Variants in KIF1A observed in about 807,000 individuals in gnomAD.
The protein encoded by KIF1A is kinesin-like protein KIF1A.
Under a neutral mutation model 227.3 loss-of-function variants are expected in KIF1A, and 46 were observed. That is an observed-to-expected ratio of 0.20 (90% CI 0.16 to 0.26). KIF1A has a LOEUF of 0.26. KIF1A is among the 10% of genes least tolerant of loss of function. The pLI, the probability that KIF1A is intolerant of heterozygous loss-of-function variation, is 1.00. For missense variants in KIF1A, 1,683 were observed against 2,485.9 expected (o/e 0.68, Z 6.87); for synonymous variants, 1,022 against 1,012.8 (o/e 1.01, Z -0.17).
At chr2:240,796,893 C>T (rs2056459103) in intron 2 of KIF1A, among the ~76,000 whole-genome samples, 1 of 152,244 alleles carries the variant, frequency 6.6e-6, no homozygotes, top group African/African-American at 2.4e-5. Context: ...AGTGCCCTCC[C>T]CTCGGGACGC....
At chr2:240,761,045 C>T (rs972544857) in intron 24 of KIF1A, among the ~76,000 whole-genome samples, 184 bp downstream of exon 24, 7 of 152,338 alleles carry the variant, frequency 4.6e-5, no homozygotes, top group Admixed American at 4.6e-4. Context: ...CAGCCAAGTC[C>T]CACCTGGCCA....
chr2:240,763,709 C>T (rs950328634), intron 20 of KIF1A, among the ~76,000 whole-genome samples: 3 of 152,210 alleles, frequency 2.0e-5, no homozygotes, highest in Non-Finnish European at 4.4e-5. Context: ...AGTCTGGGGC[C>T]GGTGCCCCCA....
rs531993959 is a variant in KIF1A at position 240,785,052 on chromosome 2, G to A, written c.657C>T (p.Ala219=). 41 of 1,613,526 alleles carry A rather than the reference G, an allele frequency of 2.5e-5. No homozygotes were observed. The highest frequency in any genetic ancestry group is 5.0e-5 in the Admixed American group (3 of 60,016). ...NMNETSSRSH[A]VFNIIFTQKR... is the part of the protein sequence containing the mutation. The stretch of plus-strand genomic sequence containing the variant: ...TCTGGGTGAAGATGATGTTGAAGAC[G>A]GCGTGGGAGCGACTGCTGGTCTCAT... Residue 219 remains alanine (A), a synonymous_variant, in exon 7 of 49, where the codon GCC becomes GCT. Transcript: ENST00000498729.
chr2:240,790,541 G>A lies in KIF1A; in HGVS notation c.107-1229C>T, dbSNP rs973043108. 6.6e-6 allele frequency among the ~76,000 whole-genome samples: 1 copy of A among 152,006 alleles called. No homozygotes were observed. Among genetic ancestry groups the A allele is most frequent in the Non-Finnish European group, 1.5e-5 (1 of 68,002 alleles). ...GGAGAACAAAATGCCCCAGTTACGA[G>A]TTAAACTGTGTCCCCCTAATTTCAT... On this transcript the variant is annotated intron_variant, in intron 2 of 48. Coordinates refer to ENST00000498729, the MANE Select transcript of KIF1A (RefSeq NM_001244008.2). The surrounding 1 kb of genome is among the most constrained non-coding windows in gnomAD (Gnocchi z 5.0).
intron 38 of KIF1A, among the ~76,000 whole-genome samples, chr2:240,735,431 G>A (rs1230951983): frequency 6.6e-6 from 1 of 151,498 alleles, no homozygotes; most frequent in Non-Finnish European, 1.5e-5. Flanking sequence ...GGTCTTCTGA[G>A]GAAGACCTCA....
At chr2:240,784,895 G>T in intron 7 of KIF1A, 94 bp downstream of exon 7, 1 of 1,007,158 alleles carries the variant, frequency 9.9e-7, no homozygotes. Flanking sequence ...CATTGGGCCT[G>T]TCCTTGTGCT....
chr2:240,729,241 A>G (rs1198078922), intron 38 of KIF1A, among the ~76,000 whole-genome samples: 1 of 143,076 alleles, frequency 7.0e-6, no homozygotes, highest in African/African-American at 3.0e-5. Context: ...CCTGTGCTGG[A>G]CCCTCTGTCT....
chr2:240,772,367 G>C lies in KIF1A; in HGVS notation c.1207+203C>G, dbSNP rs3772060. Among the ~76,000 whole-genome samples the C allele has an allele frequency of 0.15, 22,972 of 152,212 alleles. 2,142 individuals carry two copies. The highest frequency in any genetic ancestry group is 0.24 in the Middle Eastern group (70 of 294). On this transcript the variant is annotated intron_variant, in intron 14 of 48. Coordinates refer to ENST00000498729, the MANE Select transcript of KIF1A (RefSeq NM_001244008.2). ...ATATGGGTGGGAAGGAGCCAGGAGT[G>C]TGGGCTCAGAGGCAGACAGAATCCC...
Position 240,761,090 on chromosome 2 carries a change from G to C in KIF1A, c.2265+139C>G, listed in dbSNP as rs191065980. 144 of 1,088,624 alleles carry C rather than the reference G, an allele frequency of 1.3e-4. 2 individuals carry two copies. In the East Asian group the frequency reaches 3.0e-3, roughly 23 times the overall value. 67.4% of individuals were successfully genotyped at this position (1,088,624 alleles called of 1,614,324 possible). A position where few individuals can be genotyped will look rare whatever the true frequency, so the allele number is the denominator to read the frequency against. Reference sequence around the variant, plus strand: ...TCCCTCACTGCCCACCCTTCTGGGGGGCCAGGTCAGGCAGGGCTGCTATGC... The same window carrying C: ...TCCCTCACTGCCCACCCTTCTGGGGCGCCAGGTCAGGCAGGGCTGCTATGC... On this transcript the variant is annotated intron_variant, in intron 24 of 48. Transcript: ENST00000498729.
intron 38 of KIF1A, among the ~76,000 whole-genome samples, chr2:240,729,501 C>T (rs1355766392): frequency 6.6e-6 from 1 of 152,208 alleles, no homozygotes; most frequent in Non-Finnish European, 1.5e-5. Flanking sequence ...GCTCCTTGGC[C>T]CCTGAGTGGG....
intron 10 of KIF1A, among the ~76,000 whole-genome samples, chr2:240,779,590 T>C (rs895319563): frequency 1.2e-4 from 18 of 150,648 alleles, no homozygotes; most frequent in African/African-American, 3.9e-4. Context: ...CCTCACTCAG[T>C]TCCACACTCA....
intron 28 of KIF1A, chr2:240,748,711 C>T (rs1259626202): frequency 3.4e-6 from 1 of 297,072 alleles, no homozygotes; most frequent in Admixed American, 4.9e-5. Context: ...CACCCTCACT[C>T]CCCAGCTGGG....
At chr2:240,750,358 C>T in intron 28 of KIF1A, 71 bp downstream of exon 28, 1 of 1,162,094 alleles carries the variant, frequency 8.6e-7, no homozygotes, top group South Asian at 1.3e-5. Flanking sequence ...TGGGCCCACG[C>T]CTCTGCCTGC....
At chr2:240,782,472 T>C (rs2054186814) in intron 10 of KIF1A, 118 bp downstream of exon 10, 2 of 1,116,046 alleles carry the variant, frequency 1.8e-6, no homozygotes, top group Non-Finnish European at 2.6e-6. Context: ...CACCCCCACG[T>C]CCCCCATCTC....
rs762437058 is a variant in KIF1A, at chr2:240,760,737, C to A, written c.2372G>T (p.Arg791Leu). 1.1e-5 allele frequency: 17 copies of A among 1,595,944 alleles called. No individual in the cohort carries two copies. The South Asian group carries it at 1.7e-4, about 16-fold the overall frequency. The change falls in exon 25 of 49, where the codon CGC becomes CTC. Residue 791 changes from arginine (R) to leucine (L), a missense_variant. Arg to Leu is a moderately radical substitution (Grantham distance 102, BLOSUM62 -2). This residue lies in a region of KIF1A where 759 missense variants were observed against 1,020.2 expected (regional missense o/e 0.74). Transcript: ENST00000498729. ...CTGGACCTCCACGGCCACAATGGTG[C>A]GGGGGAAGGGCCGCGTCTCTCGGTC... is the stretch of plus-strand genomic sequence containing the variant. ...AKDRETRPFP[R>L]TIVAVEVQDQ... is the part of the protein sequence containing the mutation.
intron 2 of KIF1A, among the ~76,000 whole-genome samples, chr2:240,795,357 G>A (rs972496522): frequency 3.3e-5 from 5 of 152,216 alleles, no homozygotes; most frequent in African/African-American, 7.2e-5. Context: ...TAAAGGAAAC[G>A]TGGCTGCCCA....
At chr2:240,798,504 G>A (rs1013479742) in intron 1 of KIF1A, among the ~76,000 whole-genome samples, 3 of 152,238 alleles carry the variant, frequency 2.0e-5, no homozygotes, top group African/African-American at 7.2e-5. Flanking sequence ...CCAGGGCTGG[G>A]GGACCAGCTT....
chr2:240,782,554 C>G, intron 10 of KIF1A, 36 bp downstream of exon 10: 1 of 1,550,100 alleles, frequency 6.5e-7, no homozygotes, highest in African/African-American at 1.4e-5. Context: ...CCACCAGCCT[C>G]CCGCACCTGC....
chr2:240,726,220 G>A lies in KIF1A; in HGVS notation c.4122+606C>T, dbSNP rs1054088883. ...GAACACTTCTGTTTTTGTGCTGCCC[G>A]GAATGCAGACACAATGTCTGGTGGT... On this transcript the variant is annotated intron_variant, in intron 39 of 48. Coordinates refer to ENST00000498729, the MANE Select transcript of KIF1A (RefSeq NM_001244008.2). The surrounding 1 kb of genome is among the most constrained non-coding windows in gnomAD (Gnocchi z 5.2). 6.6e-5 allele frequency among the ~76,000 whole-genome samples: 10 copies of A among 152,326 alleles called. No individual in the cohort carries two copies. The highest frequency in any genetic ancestry group is 1.3e-4 in the Admixed American group (2 of 15,310).
Sources: gnomAD v4.1 joint callset for allele counts (sites outside exome capture counted in the v4.1 genomes callset) on GRCh38, gnomAD v4.1.1 for gene constraint, gnomAD v4.1.1 regional missense constraint, Gnocchi (gnomAD v3.1) non-coding constraint, MANE v1.5 for transcripts, NCBI Gene and HGNC (gene_info 2026-07-23, HGNC 2026-07-21) for gene names.